The following CRLF2 variants were observed in gnomAD, a reference collection of about 807,000 sequenced individuals.
CRLF2 encodes cytokine receptor like factor 2.
CRLF2 carries 41 observed loss-of-function variants against 38.7 expected under a neutral mutation model. That is an observed-to-expected ratio of 1.06 (90% CI 0.83 to 1.37). CRLF2 has a LOEUF of 1.37. Ranked by LOEUF, CRLF2 falls within the 40% of genes most tolerant of loss-of-function variation. The probability of loss-of-function intolerance (pLI) is 0.00; values close to 1 mark genes in which losing one functional copy is unlikely to be tolerated. For missense variants in CRLF2, 377 were observed against 322.2 expected (o/e 1.17, Z -1.30); for synonymous variants, 140 against 128.8 (o/e 1.09, Z -0.59).
chrX:1,192,485 G>A (rs1210109355), intron 7 of CRLF2, among the ~76,000 whole-genome samples: 6 of 151,578 alleles, frequency 4.0e-5, no homozygotes, highest in Non-Finnish European at 7.4e-5. Context: ...GTGTGGTGGC[G>A]GGCGCCTGTC....
rs778213444 is a variant in CRLF2, at chrX:1,198,610, G to C, written c.598C>G (p.Pro200Ala). The C allele has an allele frequency of 2.0e-5, 32 of 1,613,632 alleles. No individual in the cohort carries two copies. The highest frequency in any genetic ancestry group is 1.7e-5 in the Non-Finnish European group (20 of 1,179,686). Reference sequence around the variant, plus strand: ...CATGTCACCTCTGACCAGTCGCTTGGGTATGTGTCTGGCCCATATACATCC... The same window carrying C: ...CATGTCACCTCTGACCAGTCGCTTGCGTATGTGTCTGGCCCATATACATCC... ...MEDVYGPDTY[P>A]SDWSEVTCWQ... is the part of the protein sequence containing the mutation. Residue 200 changes from proline to alanine, a missense_variant, in exon 5 of 8, where the codon CCA (proline) becomes GCA (alanine). Transcript: ENST00000400841.
intron 5 of CRLF2, 40 bp downstream of exon 5, chrX:1,198,522 G>C (rs777927784): frequency 1.2e-6 from 2 of 1,610,578 alleles, no homozygotes; most frequent in Non-Finnish European, 1.7e-6. Flanking sequence ...CTCCAGCCTG[G>C]TGACAAGGCT....
chrX:1,201,558 A>G (rs2086608578), intron 4 of CRLF2, among the ~76,000 whole-genome samples: 2 of 79,196 alleles, frequency 2.5e-5, no homozygotes, highest in African/African-American at 9.2e-5. Flanking sequence ...TAGAGTGATG[A>G]GAGAGAGATA....
At chrX:1,202,358 G>A (rs1403149512) in intron 4 of CRLF2, 44 bp downstream of exon 4, 1 of 1,610,652 alleles carries the variant, frequency 6.2e-7, no homozygotes, top group South Asian at 1.1e-5. Context: ...GCACCTGGGG[G>A]ACGCTCAGCC....
At position 1,206,504 on chromosome X, in the gene CRLF2, T is replaced by C; in HGVS notation, c.278A>G (p.Asp93Gly). The C allele has an allele frequency of 6.2e-7, 1 of 1,613,650 alleles. No individual in the cohort carries two copies. The highest frequency in any genetic ancestry group is 8.5e-7 in the Non-Finnish European group (1 of 1,179,626). The change falls in exon 3 of 8, where the codon GAC (aspartate) becomes GGC (glycine). Residue 93 changes from aspartate (D) to glycine (G), a missense_variant. Coordinates refer to ENST00000400841, the MANE Select transcript of CRLF2 (RefSeq NM_022148.4). ...ATTCCTGATGGAGAAATAGAGAATGTCGTCTCGCTGCTCTGCGTCTAGGAG... is the reference window on the plus strand; with the variant it reads ...ATTCCTGATGGAGAAATAGAGAATGCCGTCTCGCTGCTCTGCGTCTAGGAG... Reference protein sequence around the residue: ...GCLLDAEQRDDILYFSIRNGT... With the variant: ...GCLLDAEQRDGILYFSIRNGT...
chrX:1,198,736 T>TACACAG lies in CRLF2; in HGVS notation c.484-13_484-12insCTGTGT. 1.2e-6 allele frequency: 1 copy of TACACAG among 826,962 alleles called. No individual in the cohort carries two copies. The highest frequency in any genetic ancestry group is 1.9e-6 in the Non-Finnish European group (1 of 534,256). The allele number at this position is 826,962 out of a possible 1,614,324, so 51.2% of individuals were successfully genotyped here. A position where few individuals can be genotyped will look rare whatever the true frequency, so the allele number is the denominator to read the frequency against. On this transcript the variant is annotated splice_polypyrimidine_tract_variant and intron_variant, in intron 4 of 7. Transcript: ENST00000400841. Reference sequence around the variant, plus strand: ...TTTTCCTGTTTGGACTGGAGAAACATACACACACACACACACACACACACA... The same window carrying TACACAG: ...TTTTCCTGTTTGGACTGGAGAAACATACACAGACACACACACACACACACACACACA...
chrX:1,198,939 G>A (rs1332757821), intron 4 of CRLF2: 55 of 583,774 alleles, frequency 9.4e-5, no homozygotes, highest in Non-Finnish European at 1.5e-4. Context: ...ACCTGAGGTC[G>A]CAAGTTCGAG....
chrX:1,190,910 T>G lies in CRLF2; in HGVS notation c.1103A>C (p.Tyr368Ser). The change falls in exon 8 of 8, where the codon TAC becomes TCC. Residue 368 changes from tyrosine (Y) to serine (S), a missense_variant. Coordinates refer to ENST00000400841, the MANE Select transcript of CRLF2 (RefSeq NM_022148.4). The stretch of plus-strand genomic sequence containing the variant: ...GTGGTGTGTCCATCACAACGCCACG[T>G]AGGAGCGGTCATTCATCACAAAGGT... ...GFTFVMNDRS[Y>S]VAL The G allele has an allele frequency of 2.5e-6, 1 of 398,718 alleles. No individual in the cohort carries two copies. Among genetic ancestry groups the G allele is most frequent in the Non-Finnish European group, 4.4e-6 (1 of 226,112 alleles). 24.7% of individuals were successfully genotyped at this position (398,718 alleles called of 1,614,324 possible).
intron 4 of CRLF2, among the ~76,000 whole-genome samples, chrX:1,199,872 A>G (rs1436456026): frequency 6.7e-6 from 1 of 148,816 alleles, no homozygotes; most frequent in Non-Finnish European, 1.5e-5. Flanking sequence ...ATATATGTGT[A>G]TATATAAGCT....
At chrX:1,207,501 ACCCCCC>A in intron 2 of CRLF2, among the ~76,000 whole-genome samples, 1 of 82,686 alleles carries the variant, frequency 1.2e-5, no homozygotes, top group Non-Finnish European at 2.3e-5. Flanking sequence ...CAGGTGATCC[ACCCCCC>A]CCCCCCTCAG....
intron 3 of CRLF2, among the ~76,000 whole-genome samples, chrX:1,204,756 A>T (rs2147846120): frequency 6.7e-6 from 1 of 150,244 alleles, no homozygotes; most frequent in African/African-American, 2.5e-5. Flanking sequence ...CGAACTCCAG[A>T]CCTCAAGTGA....
Position 1,210,985 on chromosome X carries a change from GTGGA to G in CRLF2, c.79+1567_79+1570del, listed in dbSNP as rs1310542585. Among the ~76,000 whole-genome samples, 5 of 151,156 alleles carry G rather than the reference GTGGA, an allele frequency of 3.3e-5. No homozygotes were observed. The East Asian group carries it at 7.8e-4, about 24-fold the overall frequency. On this transcript the variant is annotated intron_variant, in intron 1 of 7. Coordinates refer to ENST00000400841, the MANE Select transcript of CRLF2 (RefSeq NM_022148.4). ...GATACATAGATGTGTACATGGATGG[GTGGA>G]TGGATGGATGGATGAGTGGATGAAA...
chrX:1,206,334 AT>A, intron 3 of CRLF2, 98 bp downstream of exon 3: 1 of 1,052,350 alleles, frequency 9.5e-7, no homozygotes, highest in Non-Finnish European at 1.5e-6. Context: ...AACGGTAATC[AT>A]GGATCCGGCG....
chrX:1,191,912 C>G (rs1376764063), intron 7 of CRLF2, among the ~76,000 whole-genome samples: 6 of 151,980 alleles, frequency 3.9e-5, no homozygotes, highest in Admixed American at 1.3e-4. Flanking sequence ...AAGTTAAAAC[C>G]TAGTTTGAGC....
chrX:1,195,399 C>T, intron 6 of CRLF2, among the ~76,000 whole-genome samples: 1 of 151,884 alleles, frequency 6.6e-6, no homozygotes, highest in Middle Eastern at 3.4e-3. Context: ...GCACAGCTTA[C>T]CTGGACTTCT....
chrX:1,208,901 T>A lies in CRLF2; in HGVS notation c.87A>T (p.Gly29=). 6.3e-7 allele frequency: 1 copy of A among 1,588,830 alleles called. No homozygotes were observed. Among genetic ancestry groups the A allele is most frequent in the Non-Finnish European group, 8.6e-7 (1 of 1,157,042 alleles). ...MALGQGGAAE[G]VQIQIIYFNL... ...TGAAGTAGATGATCTGAATCTGTAC[T>A]CCTTCTGCTAGACACAGAGAGACGC... Residue 29 remains glycine (G), a synonymous_variant, in exon 2 of 8, where the codon GGA becomes GGT. Transcript: ENST00000400841.
intron 1 of CRLF2, among the ~76,000 whole-genome samples, chrX:1,209,525 G>A (rs1168032951): frequency 6.6e-6 from 1 of 150,488 alleles, no homozygotes; most frequent in Admixed American, 6.7e-5. Flanking sequence ...TAGAGATGGG[G>A]TTTCACTGTG....
At chrX:1,196,730 C>T in intron 6 of CRLF2, 50 bp downstream of exon 6, 5 of 1,599,072 alleles carry the variant, frequency 3.1e-6, no homozygotes, top group Non-Finnish European at 4.3e-6. Flanking sequence ...ACTTCACAGA[C>T]ATTGTGCAAG....
chrX:1,210,391 G>A (rs2086776663), intron 1 of CRLF2, among the ~76,000 whole-genome samples: 2 of 152,154 alleles, frequency 1.3e-5, no homozygotes, highest in East Asian at 1.9e-4. Context: ...CCGGCTCACT[G>A]CAAGCTTTGC....
Sources: gnomAD v4.1 joint callset for allele counts (sites outside exome capture counted in the v4.1 genomes callset) on GRCh38, gnomAD v4.1.1 for gene constraint, MANE v1.5 for transcripts, NCBI Gene and HGNC (gene_info 2026-07-23, HGNC 2026-07-21) for gene names.